The following ZNF568 variants were observed in gnomAD, a reference collection of about 807,000 sequenced individuals.
ZNF568 encodes the protein p53 inhibitor of SCO2 activation.
Under a neutral mutation model 18.1 loss-of-function variants are expected in ZNF568, and 11 were observed. The observed-to-expected ratio is 0.61, with a 90% CI of 0.38 to 1.00. ZNF568 has a LOEUF of 1.00. Ranked by LOEUF, ZNF568 falls within the 50% of genes least tolerant of loss-of-function variation. ZNF568 has a pLI of 0.01. For synonymous variants in ZNF568, 213 were observed against 246.6 expected (o/e 0.86, Z 1.28); for missense variants, 639 against 768.2 (o/e 0.83, Z 1.99).
intron 4 of ZNF568, among the ~76,000 whole-genome samples, chr19:36,996,082 T>C (rs1211008633): frequency 6.6e-6 from 1 of 152,156 alleles, no homozygotes; most frequent in Non-Finnish European, 1.5e-5. Context: ...ATCAGAGATG[T>C]GGCTGGGTGC....
At position 36,951,940 on chromosome 19, in the gene ZNF568, A is replaced by T; in HGVS notation, c.*852A>T. ...GCCACTGCACCTGGCCAAAAAATTAACATTCTAAAGGATTTAAATACTGGA... is the reference window on the plus strand; with the variant it reads ...GCCACTGCACCTGGCCAAAAAATTATCATTCTAAAGGATTTAAATACTGGA... On this transcript the variant is annotated 3_prime_UTR_variant, in exon 7 of 7. Coordinates refer to ENST00000333987, the MANE Select transcript of ZNF568 (RefSeq NM_198539.4). 1 of 984,364 alleles carries T rather than the reference A, an allele frequency of 1.0e-6. No homozygotes were observed. Among genetic ancestry groups the T allele is most frequent in the African/African-American group, 1.8e-5 (1 of 57,132 alleles). 61.0% of individuals were successfully genotyped at this position (984,364 alleles called of 1,614,324 possible).
intron 4 of ZNF568, among the ~76,000 whole-genome samples, chr19:36,930,121 A>T (rs1000576583): frequency 1.1e-4 from 16 of 152,094 alleles, no homozygotes; most frequent in Non-Finnish European, 1.8e-4. Context: ...CCTATTGTAA[A>T]GACTGACTCA....
At chr19:36,984,622 C>A (rs76117270), downstream of ZNF568, among the ~76,000 whole-genome samples, 935 of 151,740 alleles carry the variant, frequency 6.2e-3, 4 homozygotes, top group Non-Finnish European at 0.01. Flanking sequence ...ATGTCAAGCT[C>A]TCCATCTGGG....
chr19:36,961,688 T>C (rs1423555417), intron 6 of ZNF568, among the ~76,000 whole-genome samples: 2 of 152,094 alleles, frequency 1.3e-5, no homozygotes, highest in African/African-American at 4.8e-5. Flanking sequence ...CACGCCTGGC[T>C]ATTTTTATAC....
intron 6 of ZNF568, among the ~76,000 whole-genome samples, chr19:36,942,608 AAAAAAAAAAG>A (rs1286925618): frequency 6.7e-6 from 1 of 148,756 alleles, no homozygotes; most frequent in Non-Finnish European, 1.5e-5. Flanking sequence ...CAAAAAAAAA[AAAAAAAAAAG>A]AAGAATAGAG....
chr19:36,948,694 A>G lies in ZNF568; in HGVS notation c.359-818A>G, dbSNP rs189533454. On this transcript the variant is annotated intron_variant, in intron 6 of 6. Transcript: ENST00000333987. Reference sequence around the variant, plus strand: ...TTTTTTTTTTTTTTTCAGATTTCCTACATAGATGATCACATCACCTGTGAA... The same window carrying G: ...TTTTTTTTTTTTTTTCAGATTTCCTGCATAGATGATCACATCACCTGTGAA... 4.1e-3 allele frequency among the ~76,000 whole-genome samples: 451 copies of G among 110,124 alleles called. 13 individuals carry two copies. In the East Asian group the frequency reaches 0.095, roughly 23 times the overall value. The allele number at this position is 110,124 out of a possible 152,430, so 72.2% of individuals were successfully genotyped here. A position where few individuals can be genotyped will look rare whatever the true frequency, so the allele number is the denominator to read the frequency against.
chr19:36,976,042 T>C (rs765265747), intron 7 of ZNF568, among the ~76,000 whole-genome samples: 3 of 152,294 alleles, frequency 2.0e-5, no homozygotes, highest in Non-Finnish European at 4.4e-5. Context: ...TATCTCCGGA[T>C]AGTTTTTCAA....
chr19:36,921,033 T>A (rs929454665), intron 2 of ZNF568, among the ~76,000 whole-genome samples: 3 of 152,244 alleles, frequency 2.0e-5, no homozygotes, highest in Non-Finnish European at 4.4e-5. Context: ...AGGTGGGTAG[T>A]AGGCTATACC....
At chr19:36,956,600 ACT>A (rs1491098724), downstream of ZNF568, among the ~76,000 whole-genome samples, 15 of 150,806 alleles carry the variant, frequency 9.9e-5, no homozygotes, top group East Asian at 3.9e-4. Flanking sequence ...TTTAAAAAAA[ACT>A]TTTTTTTTTT....
exon 4 of ZNF568, chr19:36,991,837 T>A: frequency 6.4e-7 from 1 of 1,571,138 alleles, no homozygotes; most frequent in Non-Finnish European, 8.6e-7. Flanking sequence ...GACAAAAGAA[T>A]GGTGTCCAGG....
rs1225507629 is a variant in ZNF568, at chr19:36,927,884, ATAT to A, written c.135+2630_135+2632del. ...TGTATATATATATATATATATATATATATTATATATATATATATATTTTTTTTT... is the reference window on the plus strand; with the variant it reads ...TGTATATATATATATATATATATATATATATATATATATATATTTTTTTTT... On this transcript the variant is annotated intron_variant, in intron 4 of 6. Transcript: ENST00000333987. Among the ~76,000 whole-genome samples, 98 of 52,912 alleles carry A rather than the reference ATAT, an allele frequency of 1.9e-3. 1 individual carries two copies. Among genetic ancestry groups the A allele is most frequent in the African/African-American group, 5.8e-3 (60 of 10,374 alleles). The allele number at this position is 52,912 out of a possible 152,430, so 34.7% of individuals were successfully genotyped here.
At chr19:36,953,634 A>C (rs573107380), downstream of ZNF568, among the ~76,000 whole-genome samples, 2 of 152,330 alleles carry the variant, frequency 1.3e-5, no homozygotes, top group East Asian at 3.9e-4. Flanking sequence ...AGATAGGGCC[A>C]GACGCAGTAG....
chr19:36,936,918 CA>C, intron 5 of ZNF568, 46 bp downstream of exon 5: 3 of 1,599,918 alleles, frequency 1.9e-6, no homozygotes, highest in Non-Finnish European at 2.6e-6. Flanking sequence ...AATTCTTTTC[CA>C]TTTCTGAAAT....
chr19:36,962,630 C>T (rs2074164250), intron 6 of ZNF568, among the ~76,000 whole-genome samples: 1 of 152,086 alleles, frequency 6.6e-6, no homozygotes. Flanking sequence ...TGTGAGCCAC[C>T]ACACCCAGCC....
At chr19:36,947,091 C>A (rs939066527) in intron 6 of ZNF568, among the ~76,000 whole-genome samples, 45 of 152,104 alleles carry the variant, frequency 3.0e-4, no homozygotes, top group Admixed American at 1.7e-3. Context: ...TCTCGGCTCA[C>A]TGCAACCTCT....
chr19:36,923,577 C>T (rs1162913743), intron 3 of ZNF568, among the ~76,000 whole-genome samples: 1 of 150,612 alleles, frequency 6.6e-6, no homozygotes, highest in Non-Finnish European at 1.5e-5. Context: ...TTCAACCCCA[C>T]CTTTATCTGC....
At chr19:36,943,294 C>A (rs111885974) in intron 6 of ZNF568, among the ~76,000 whole-genome samples, 2,589 of 150,954 alleles carry the variant, frequency 0.017, 33 homozygotes, top group African/African-American at 0.037. Flanking sequence ...GGTTTTAGCA[C>A]CTATTGACCA....
chr19:36,943,820 G>T (rs542338023), intron 6 of ZNF568, among the ~76,000 whole-genome samples: 2 of 152,140 alleles, frequency 1.3e-5, no homozygotes, highest in South Asian at 4.1e-4. Flanking sequence ...TGATCAGCCC[G>T]CTTTGGCCTC....
intron 2 of ZNF568, among the ~76,000 whole-genome samples, chr19:36,922,145 C>T (rs987931300): frequency 2.6e-5 from 4 of 152,156 alleles, no homozygotes; most frequent in Middle Eastern, 3.2e-3. Context: ...GTCTTCACTG[C>T]GTATTTGGGC....
Sources: allele counts gnomAD v4.1 joint callset (sites outside exome capture counted in the v4.1 genomes callset), GRCh38; gene constraint gnomAD v4.1.1; transcripts MANE v1.5; gene names NCBI Gene and HGNC (gene_info 2026-07-23, HGNC 2026-07-21).